KHDRBS3: variants seen among roughly 807,000 people sequenced by gnomAD.
KHDRBS3 encodes the protein KH RNA binding domain containing, signal transduction associated 3.
A neutral mutation model predicts 45.6 loss-of-function variants in KHDRBS3; 23 were observed. The observed-to-expected ratio is 0.50, with a 90% CI of 0.36 to 0.72. The LOEUF is 0.72. KHDRBS3 is among the 30% of genes least tolerant of loss of function. The probability of loss-of-function intolerance (pLI) is 0.00; values close to 1 mark genes in which losing one functional copy is unlikely to be tolerated. For synonymous variants in KHDRBS3, 162 were observed against 156.5 expected (o/e 1.04, Z -0.26); for missense variants, 352 against 424.8 (o/e 0.83, Z 1.51).
chr8:135,572,725 G>T (rs1006419030), intron 5 of KHDRBS3, among the ~76,000 whole-genome samples: 1 of 152,212 alleles, frequency 6.6e-6, no homozygotes, highest in Non-Finnish European at 1.5e-5. Context: ...ACCACATTTC[G>T]GGTGGTCTCT....
At chr8:135,513,527 T>A (rs1824414542) in intron 1 of KHDRBS3, among the ~76,000 whole-genome samples, 2 of 152,230 alleles carry the variant, frequency 1.3e-5, no homozygotes, top group Admixed American at 1.3e-4. Context: ...CTCAAGCAGT[T>A]GGAGTCTGGC....
chr8:135,640,064 G>C (rs1830997549), intron 7 of KHDRBS3, among the ~76,000 whole-genome samples: 1 of 152,166 alleles, frequency 6.6e-6, no homozygotes, highest in Non-Finnish European at 1.5e-5. Flanking sequence ...TTTCAAAGAA[G>C]AGATTGAGAC....
chr8:135,549,377 A>C (rs1826469003), intron 4 of KHDRBS3: 1 of 152,340 alleles, frequency 6.6e-6, no homozygotes, highest in South Asian at 2.1e-4. Context: ...TCAGTACAAC[A>C]TGATAAATAT....
chr8:135,607,308 AC>A (rs2131029401), intron 7 of KHDRBS3, among the ~76,000 whole-genome samples: 1 of 152,376 alleles, frequency 6.6e-6, no homozygotes, highest in Non-Finnish European at 1.5e-5. Flanking sequence ...TTGAGAAGGA[AC>A]AATGGCCTCA....
At position 135,592,261 on chromosome 8, in the gene KHDRBS3, T is replaced by A. The variant is rs189875406; in HGVS notation, c.807+10188T>A. On this transcript the variant is annotated intron_variant, in intron 6 of 8. Transcript: ENST00000355849. The stretch of plus-strand genomic sequence containing the variant: ...TTTTTTTTTTGGTTTTTGGTTTTTT[T>A]TCTTCCTACGTTAAAACAACAACAA... Among the ~76,000 whole-genome samples, 803 of 152,288 alleles carry A rather than the reference T, an allele frequency of 5.3e-3. 8 individuals are homozygous for A. The highest frequency in any genetic ancestry group is 0.019 in the Admixed American group (283 of 15,294).
At chr8:135,557,388 C>T (rs750911366) in intron 4 of KHDRBS3, 60 bp from the exon 5 acceptor site, 53 of 1,064,646 alleles carry the variant, frequency 5.0e-5, no homozygotes, top group Non-Finnish European at 6.3e-5. Context: ...GCTTTTTGTT[C>T]TAAATATTTT....
chr8:135,470,081 G>C (rs1260863365), intron 1 of KHDRBS3, among the ~76,000 whole-genome samples: 1 of 152,192 alleles, frequency 6.6e-6, no homozygotes, highest in East Asian at 1.9e-4. Context: ...GTGTTCAGCA[G>C]GCTATTCGTC....
At chr8:135,645,952 G>C (rs960976206) in intron 8 of KHDRBS3, among the ~76,000 whole-genome samples, 1 of 135,362 alleles carries the variant, frequency 7.4e-6, no homozygotes, top group Admixed American at 7.4e-5. Context: ...AGTGCATTTT[G>C]TTGTATCACC....
At chr8:135,465,861 G>C (rs2130136634) in intron 1 of KHDRBS3, among the ~76,000 whole-genome samples, 1 of 152,262 alleles carries the variant, frequency 6.6e-6, no homozygotes, top group Admixed American at 6.5e-5. Context: ...GTATGTGAGG[G>C]CACCCTTTTA....
intron 3 of KHDRBS3, among the ~76,000 whole-genome samples, chr8:135,544,934 A>G (rs1038986715): frequency 1.3e-5 from 2 of 151,782 alleles, no homozygotes; most frequent in Non-Finnish European, 2.9e-5. Flanking sequence ...CTAATCCCAT[A>G]AGCCCCACTC....
At chr8:135,521,028 A>T (rs1824877357) in intron 1 of KHDRBS3, among the ~76,000 whole-genome samples, 1 of 152,108 alleles carries the variant, frequency 6.6e-6, no homozygotes, top group South Asian at 2.1e-4. Flanking sequence ...AGCAGTTGAG[A>T]TTTGACTTTG....
At chr8:135,606,411 G>T (rs4128216) in intron 6 of KHDRBS3, among the ~76,000 whole-genome samples, 1 of 151,966 alleles carries the variant, frequency 6.6e-6, no homozygotes, top group South Asian at 2.1e-4. Flanking sequence ...TTGCCTTTAA[G>T]TATTTTCTTC....
At chr8:135,523,650 G>T (rs1825030205) in intron 2 of KHDRBS3, among the ~76,000 whole-genome samples, 3 of 152,134 alleles carry the variant, frequency 2.0e-5, no homozygotes, top group Admixed American at 2.0e-4. Context: ...AGACAAATGA[G>T]GAGAGTAGGA....
At chr8:135,541,966 C>T (rs1049835753) in intron 2 of KHDRBS3, 1 of 152,050 alleles carries the variant, frequency 6.6e-6, no homozygotes, top group Non-Finnish European at 1.5e-5. Context: ...AGGTAACTTG[C>T]CCAGGTTTAC....
chr8:135,619,749 A>G (rs1346420402), intron 7 of KHDRBS3, among the ~76,000 whole-genome samples: 1 of 152,260 alleles, frequency 6.6e-6, no homozygotes, highest in African/African-American at 2.4e-5. Flanking sequence ...TGGAAAAACA[A>G]TACAGGATAC....
chr8:135,614,560 G>A (rs1235557043), intron 7 of KHDRBS3, among the ~76,000 whole-genome samples: 4 of 151,722 alleles, frequency 2.6e-5, no homozygotes, highest in African/African-American at 9.7e-5. Context: ...GTCTCAAAAA[G>A]TGCTAATAGA....
At chr8:135,574,264 C>T (rs1827851165) in intron 5 of KHDRBS3, among the ~76,000 whole-genome samples, 1 of 103,364 alleles carries the variant, frequency 9.7e-6, no homozygotes, top group Non-Finnish European at 2.1e-5. Flanking sequence ...TGCCTTTCTT[C>T]CACCAGTGTC....
At chr8:135,492,613 G>A (rs1410857597) in intron 1 of KHDRBS3, among the ~76,000 whole-genome samples, 6 of 151,728 alleles carry the variant, frequency 4.0e-5, no homozygotes, top group Non-Finnish European at 7.4e-5. Context: ...GACCATATGT[G>A]TGTGGATCTG....
chr8:135,565,824 T>C (rs1378457106), intron 5 of KHDRBS3, among the ~76,000 whole-genome samples: 1 of 152,212 alleles, frequency 6.6e-6, no homozygotes, highest in Non-Finnish European at 1.5e-5. Flanking sequence ...CCTGTCCTCA[T>C]TGGAAACACC....
Sources: gnomAD v4.1 joint callset for allele counts (sites outside exome capture counted in the v4.1 genomes callset) on GRCh38, gnomAD v4.1.1 for gene constraint, MANE v1.5 for transcripts, NCBI Gene and HGNC (gene_info 2026-07-23, HGNC 2026-07-21) for gene names.